The following RPS6KB1 variants were observed in gnomAD, a reference collection of about 807,000 sequenced individuals.
RPS6KB1 encodes ribosomal protein S6 kinase beta-1.
In RPS6KB1, 12 loss-of-function variants were observed where a neutral mutation model predicts 70.2. That is an observed-to-expected ratio of 0.17 (90% CI 0.11 to 0.28). The LOEUF is 0.28. Among genes scored for constraint, RPS6KB1 ranks in the 10% least tolerant of loss-of-function variants. The pLI, the probability that RPS6KB1 is intolerant of heterozygous loss-of-function variation, is 1.00. For missense variants in RPS6KB1, 270 were observed against 646.6 expected (o/e 0.42, Z 6.32); for synonymous variants, 175 against 211.2 (o/e 0.83, Z 1.49).
intron 2 of RPS6KB1, 40 bp from the exon 3 acceptor site, chr17:59,912,644 C>T: frequency 6.2e-7 from 1 of 1,600,044 alleles, no homozygotes; most frequent in Non-Finnish European, 8.5e-7. Context: ...AGTAATTTAA[C>T]TTTTTGCAAA....
In RPS6KB1 at chr17:59,949,800, A is replaced by G. The variant is rs1347292474; in HGVS notation, c.*3012A>G. 2 of 152,482 alleles carry G rather than the reference A, an allele frequency of 1.3e-5. No individual in the cohort carries two copies. The highest frequency in any genetic ancestry group is 3.9e-4 in the East Asian group (2 of 5,180). The allele number at this position is 152,482 out of a possible 1,614,324, so 9.4% of individuals were successfully genotyped here. On this transcript the variant is annotated 3_prime_UTR_variant, in exon 15 of 15. Transcript: ENST00000225577. ...CTCCATAAATTCAACATTCTTTACTATAGGTAATGAATGATTATAAACAAG... is the reference window on the plus strand; with the variant it reads ...CTCCATAAATTCAACATTCTTTACTGTAGGTAATGAATGATTATAAACAAG...
At chr17:59,930,266 G>T (rs2144953616) in intron 6 of RPS6KB1, 92 bp downstream of exon 6, 2 of 813,100 alleles carry the variant, frequency 2.5e-6, no homozygotes, top group East Asian at 2.4e-5. Context: ...AGTAAATTGA[G>T]CTGGAGCCAG....
At chr17:59,896,996 ATAGACTT>A (rs904887371) in intron 1 of RPS6KB1, among the ~76,000 whole-genome samples, 1 of 152,094 alleles carries the variant, frequency 6.6e-6, no homozygotes. Flanking sequence ...TTGTGAATTT[ATAGACTT>A]TAATTTATTA....
intron 1 of RPS6KB1, among the ~76,000 whole-genome samples, chr17:59,909,708 C>G (rs1052333100): frequency 6.6e-6 from 1 of 151,698 alleles, no homozygotes; most frequent in African/African-American, 2.4e-5. Context: ...GAAACCCCAT[C>G]TCTACTAAAA....
rs1377491242 is a variant in RPS6KB1, at chr17:59,949,699, CAAG to C, written c.*2915_*2917del. The C allele has an allele frequency of 6.6e-6, 1 of 152,312 alleles. No homozygotes were observed. Among genetic ancestry groups the C allele is most frequent in the Non-Finnish European group, 1.5e-5 (1 of 67,906 alleles). The allele number at this position is 152,312 out of a possible 1,614,324, so 9.4% of individuals were successfully genotyped here. ...ATGGTCTTAACTAATTTGAATCCTT[CAAG>C]AAGGATTTTTCCATACTATTTTTTA... On this transcript the variant is annotated 3_prime_UTR_variant, in exon 15 of 15. Transcript: ENST00000225577.
chr17:59,895,240 A>ACGATCT (rs1197153487), intron 1 of RPS6KB1, among the ~76,000 whole-genome samples: 1 of 149,550 alleles, frequency 6.7e-6, no homozygotes, highest in Admixed American at 6.7e-5. Flanking sequence ...CAGGATGGTC[A>ACGATCT]CGATCTCTTG....
chr17:59,916,344 C>T (rs2042963906), intron 4 of RPS6KB1, among the ~76,000 whole-genome samples: 1 of 152,144 alleles, frequency 6.6e-6, no homozygotes, highest in Admixed American at 6.5e-5. Flanking sequence ...GGGGGATCGG[C>T]CCGCCTTGAC....
At chr17:59,919,198 G>A (rs567000034) in intron 4 of RPS6KB1, among the ~76,000 whole-genome samples, 19 of 152,156 alleles carry the variant, frequency 1.2e-4, no homozygotes, top group South Asian at 1.2e-3. Context: ...TAGTCAAGTG[G>A]TTAGCTGGCA....
intron 4 of RPS6KB1, among the ~76,000 whole-genome samples, chr17:59,924,995 A>AT (rs1441136768): frequency 6.0e-5 from 9 of 150,520 alleles, no homozygotes; most frequent in East Asian, 1.9e-4. Context: ...TGCCCGACTA[A>AT]TTTTTTTTTG....
At position 59,896,217 on chromosome 17, in the gene RPS6KB1, G is replaced by A. The variant is rs368102969; in HGVS notation, c.141+2892G>A. ...TTATTTTTTTTTCTTTTCTGAGACA[G>A]AGTCTTGCTCTATTTGCCCAGGCTG... On this transcript the variant is annotated intron_variant, in intron 1 of 14. Coordinates refer to ENST00000225577, the MANE Select transcript of RPS6KB1 (RefSeq NM_003161.4). 9.9e-5 allele frequency among the ~76,000 whole-genome samples: 15 copies of A among 151,912 alleles called. No individual in the cohort carries two copies. In the East Asian group the frequency reaches 2.9e-3, roughly 29 times the overall value.
intron 13 of RPS6KB1, among the ~76,000 whole-genome samples, chr17:59,941,373 G>A (rs1251159327): frequency 6.7e-6 from 1 of 149,062 alleles, no homozygotes; most frequent in Non-Finnish European, 1.5e-5. Context: ...TAGGCTGGGT[G>A]TAGTGTAGTG....
At chr17:59,932,076 T>C (rs1381331043) in intron 7 of RPS6KB1, among the ~76,000 whole-genome samples, 10 of 152,122 alleles carry the variant, frequency 6.6e-5, no homozygotes, top group Admixed American at 6.6e-4. Flanking sequence ...GAAAAGTGAA[T>C]CTCAATTATA....
intron 4 of RPS6KB1, among the ~76,000 whole-genome samples, chr17:59,919,127 T>G (rs1034455661): frequency 2.6e-5 from 4 of 152,164 alleles, no homozygotes; most frequent in South Asian, 2.1e-4. Context: ...TTATTCATAT[T>G]TAAGAGTAGA....
chr17:59,893,384 C>T lies in RPS6KB1; in HGVS notation c.141+59C>T. 3 of 1,526,676 alleles carry T rather than the reference C, an allele frequency of 2.0e-6. No homozygotes were observed. The highest frequency in any genetic ancestry group is 1.2e-5 in the South Asian group (1 of 83,958). The allele number at this position is 1,526,676 out of a possible 1,614,324, so 94.6% of individuals were successfully genotyped here. On this transcript the variant is annotated intron_variant, in intron 1 of 14. Coordinates refer to ENST00000225577, the MANE Select transcript of RPS6KB1 (RefSeq NM_003161.4). The surrounding 1 kb of genome is among the most constrained non-coding windows in gnomAD (Gnocchi z 4.1). ...CAGGGCCGGGGCGGCGGCGCGGGCT[C>T]AGGAAGCGCGGTGTGTCCTAGAGCG... is the stretch of plus-strand genomic sequence containing the variant.
intron 4 of RPS6KB1, among the ~76,000 whole-genome samples, chr17:59,916,389 CGA>C (rs2042967098): frequency 6.6e-6 from 1 of 152,206 alleles, no homozygotes; most frequent in African/African-American, 2.4e-5. Context: ...CGTGAGCCAC[CGA>C]GCCTGGCAGT....
chr17:59,898,846 T>C (rs1055516026), intron 1 of RPS6KB1, among the ~76,000 whole-genome samples: 4 of 151,944 alleles, frequency 2.6e-5, no homozygotes, highest in Non-Finnish European at 5.9e-5. Context: ...TTGTCAATCC[T>C]AATGAACACA....
chr17:59,943,496 A>G (rs1026899336), intron 13 of RPS6KB1, among the ~76,000 whole-genome samples: 7 of 152,176 alleles, frequency 4.6e-5, no homozygotes, highest in African/African-American at 1.2e-4. Flanking sequence ...GCTTTTCACA[A>G]TTACTTAAAT....
intron 1 of RPS6KB1, among the ~76,000 whole-genome samples, chr17:59,897,621 T>G (rs946894298): frequency 2.6e-5 from 4 of 152,182 alleles, no homozygotes; most frequent in African/African-American, 9.6e-5. Context: ...AAGATGAGAC[T>G]AAATGATACA....
At position 59,934,098 on chromosome 17, in the gene RPS6KB1, T is replaced by C; in HGVS notation, c.689-72T>C. 1.0e-6 allele frequency: 1 copy of C among 976,520 alleles called. No individual in the cohort carries two copies. The highest frequency in any genetic ancestry group is 1.6e-6 in the Non-Finnish European group (1 of 608,042). The allele number at this position is 976,520 out of a possible 1,614,324, so 60.5% of individuals were successfully genotyped here. ...TTAAATGGAAGGATAGATTAAAGTA[T>C]TATGTGACATGTTCAAACACTGCAC... On this transcript the variant is annotated intron_variant, in intron 7 of 14. Coordinates refer to ENST00000225577, the MANE Select transcript of RPS6KB1 (RefSeq NM_003161.4). This position sits in a 1 kb window ranked among gnomAD's most constrained non-coding sequence, Gnocchi z 4.8.
Sources: allele counts gnomAD v4.1 joint callset (sites outside exome capture counted in the v4.1 genomes callset), GRCh38; gene constraint gnomAD v4.1.1; non-coding constraint Gnocchi (gnomAD v3.1); transcripts MANE v1.5; gene names NCBI Gene and HGNC (gene_info 2026-07-23, HGNC 2026-07-21).